RUBCN: variants seen among roughly 807,000 people sequenced by gnomAD.
The protein encoded by RUBCN is rubicon autophagy regulator.
In RUBCN, 74 loss-of-function variants were observed where a neutral mutation model predicts 113.2. The observed-to-expected ratio is 0.65, with a 90% confidence interval of 0.54 to 0.79. RUBCN has a LOEUF of 0.79. RUBCN is among the 30% of genes least tolerant of loss of function. RUBCN has a pLI of 0.00. For synonymous variants in RUBCN, 480 were observed against 490.0 expected, an observed-to-expected ratio of 0.98 and a Z score of 0.27; for missense variants, 1,109 against 1,251.7, an observed-to-expected ratio of 0.89 and a Z score of 1.72.
At position 197,674,859 on chromosome 3, in the gene RUBCN, CA is replaced by C; in HGVS notation, c.*158del. 1.6e-6 allele frequency: 1 copy of C among 606,736 alleles called. No individual in the cohort carries two copies. Among genetic ancestry groups the C allele is most frequent in the Non-Finnish European group, 2.6e-6 (1 of 378,918 alleles). 37.6% of individuals were successfully genotyped at this position (606,736 alleles called of 1,614,324 possible). A position where few individuals can be genotyped will look rare whatever the true frequency, so the allele number is the denominator to read the frequency against. ...ATCAACCTGCCGACGGCTGACTGCA[CA>C]CAGACGTCAGACAAGTCAGTAAAAA... On this transcript the variant is annotated 3_prime_UTR_variant, in exon 20 of 20. Transcript: ENST00000296343.
chr3:197,692,460 GA>G (rs1325547083), intron 11 of RUBCN, among the ~76,000 whole-genome samples: 1 of 151,494 alleles, frequency 6.6e-6, no homozygotes, highest in East Asian at 1.9e-4. Flanking sequence ...GGGAATCTCT[GA>G]ATTTGTAGTC....
At position 197,669,485 on chromosome 3, in the gene RUBCN, C is replaced by T. The variant is rs905087116; in HGVS notation, c.*5533G>A. On this transcript the variant is annotated 3_prime_UTR_variant, in exon 20 of 20. Coordinates refer to ENST00000296343, the MANE Select transcript of RUBCN (RefSeq NM_014687.4). ...GTTTGTTGTTTTTCTCATGATTAGACTGAGGTTATGGGTTTCTGAATGAAT... is the reference window on the plus strand; with the variant it reads ...GTTTGTTGTTTTTCTCATGATTAGATTGAGGTTATGGGTTTCTGAATGAAT... 6.6e-6 allele frequency among the ~76,000 whole-genome samples: 1 copy of T among 152,168 alleles called. No homozygotes were observed. Among genetic ancestry groups the T allele is most frequent in the African/African-American group, 2.4e-5 (1 of 41,440 alleles).
chr3:197,724,985 G>A (rs569923887), intron 1 of RUBCN, among the ~76,000 whole-genome samples: 5 of 152,206 alleles, frequency 3.3e-5, no homozygotes, highest in Non-Finnish European at 5.9e-5. Flanking sequence ...TTCAAGACCA[G>A]CCTGGCCAAC....
chr3:197,736,879 T>C lies in RUBCN; in HGVS notation c.-160A>G, dbSNP rs1272676390. The C allele has an allele frequency of 4.4e-6, 6 of 1,372,290 alleles. No individual in the cohort carries two copies. The highest frequency in any genetic ancestry group is 3.7e-6 in the Non-Finnish European group (4 of 1,070,194). The allele number at this position is 1,372,290 out of a possible 1,614,324, so 85.0% of individuals were successfully genotyped here. On this transcript the variant is annotated 5_prime_UTR_variant, in exon 1 of 20. Coordinates refer to ENST00000296343, the MANE Select transcript of RUBCN (RefSeq NM_014687.4). Reference sequence around the variant, plus strand: ...GGCGACAGCGGGAGGGACCGCCGCCTGGGCTGCGGCTTCTATCCCGGCCAC... The same window carrying C: ...GGCGACAGCGGGAGGGACCGCCGCCCGGGCTGCGGCTTCTATCCCGGCCAC...
intron 1 of RUBCN, among the ~76,000 whole-genome samples, chr3:197,727,551 G>A (rs1471783320): frequency 6.6e-6 from 1 of 152,146 alleles, no homozygotes; most frequent in Non-Finnish European, 1.5e-5. Context: ...ATGAAGTTTG[G>A]TTACAGTGTT....
intron 11 of RUBCN, chr3:197,691,213 T>A: frequency 1.2e-6 from 1 of 831,628 alleles, no homozygotes; most frequent in Non-Finnish European, 1.7e-6. Flanking sequence ...TAATATTCTA[T>A]ACCATATGTT....
At position 197,695,895 on chromosome 3, in the gene RUBCN, C is replaced by G; in HGVS notation, c.1444G>C (p.Asp482His). The change falls in exon 9 of 20, where the codon GAC becomes CAC. Residue 482 changes from aspartate to histidine, a missense_variant. Around this residue, in one of 3 missense-constraint regions of RUBCN, gnomAD observed 736 missense variants for 779.6 expected, o/e 0.94. Transcript: ENST00000296343. ...QSLISYLSEQ[D>H]FGSCADLEKE... ...TCCAGGTCGGCACAGCTGCCGAAGT[C>G]TTGCTCAGAGAGGTAGCTGATGAGG... 6.2e-7 allele frequency: 1 copy of G among 1,614,202 alleles called. No homozygotes were observed. The highest frequency in any genetic ancestry group is 8.5e-7 in the Non-Finnish European group (1 of 1,180,038).
intron 11 of RUBCN, among the ~76,000 whole-genome samples, chr3:197,690,335 G>C (rs1047778547): frequency 5.9e-5 from 9 of 152,196 alleles, no homozygotes; most frequent in Non-Finnish European, 1.2e-4. Context: ...CTACTTGGGA[G>C]GCTGAGGCAG....
intron 1 of RUBCN, among the ~76,000 whole-genome samples, chr3:197,729,265 G>GT (rs1183650782): frequency 1.3e-5 from 2 of 150,908 alleles, no homozygotes; most frequent in African/African-American, 4.9e-5. Flanking sequence ...TTTGTTTGTT[G>GT]TTTTTGAGAC....
rs1392074321 is a variant in RUBCN, at chr3:197,744,806, C to T, written c.-116+4463G>A. On this transcript the variant is annotated intron_variant, in intron 1 of 20. Coordinates refer to the RUBCN transcript ENST00000273582. ...GCAACAGAAAACAGATCAGTAGTTGCCTAGATAGTAGGTGGGGGGTAAGGA... is the reference window on the plus strand; with the variant it reads ...GCAACAGAAAACAGATCAGTAGTTGTCTAGATAGTAGGTGGGGGGTAAGGA... Among the ~76,000 whole-genome samples, 3 of 151,934 alleles carry T rather than the reference C, an allele frequency of 2.0e-5. No homozygotes were observed. The East Asian group carries it at 5.8e-4, about 29-fold the overall frequency.
rs1234127339 is a variant in RUBCN at position 197,704,533 on chromosome 3, T to C, written c.463+9A>G. On this transcript the variant is annotated intron_variant, in intron 4 of 19. Coordinates refer to ENST00000296343, the MANE Select transcript of RUBCN (RefSeq NM_014687.4). ...GCACAGATGACAGTCCTAAGTGGCCTCTACCTACCTGTGTAGAATTTTCTG... is the reference window on the plus strand; with the variant it reads ...GCACAGATGACAGTCCTAAGTGGCCCCTACCTACCTGTGTAGAATTTTCTG... The C allele has an allele frequency of 1.1e-5, 17 of 1,613,930 alleles. No individual in the cohort carries two copies. The highest frequency in any genetic ancestry group is 1.4e-5 in the Non-Finnish European group (17 of 1,179,774).
chr3:197,676,741 C>T, intron 18 of RUBCN, 144 bp downstream of exon 18: 1 of 1,530,208 alleles, frequency 6.5e-7, no homozygotes, highest in Non-Finnish European at 8.7e-7. Flanking sequence ...GGCTAAGGAA[C>T]AGCAGCCCTT....
At chr3:197,741,120 T>G (rs1458937542), upstream of RUBCN, among the ~76,000 whole-genome samples, 3 of 152,248 alleles carry the variant, frequency 2.0e-5, no homozygotes, top group African/African-American at 7.2e-5. Context: ...AAGGTTCTGC[T>G]TTCATGGGGA....
At chr3:197,731,420 C>T (rs981705302) in intron 1 of RUBCN, among the ~76,000 whole-genome samples, 50 of 152,252 alleles carry the variant, frequency 3.3e-4, no homozygotes, top group African/African-American at 1.2e-3. Context: ...GGCAACCATC[C>T]GATTTCTCAA....
rs939972663 is a variant in RUBCN, at chr3:197,669,385, C to T, written c.*5633G>A. ...GTGACGGCATCTCTTTCCTTGTTTT[C>T]GAGACCTTGGCAATTTTGAGTAGGG... On this transcript the variant is annotated 3_prime_UTR_variant, in exon 20 of 20. Transcript: ENST00000296343. Among the ~76,000 whole-genome samples, 18 of 152,152 alleles carry T rather than the reference C, an allele frequency of 1.2e-4. No individual in the cohort carries two copies. The highest frequency in any genetic ancestry group is 3.8e-4 in the East Asian group (2 of 5,200).
In RUBCN at chr3:197,681,692, T is replaced by C. The variant is rs1039593262; in HGVS notation, c.2191+143A>G. The C allele has an allele frequency of 9.3e-6, 7 of 751,854 alleles. No individual in the cohort carries two copies. In the African/African-American group the frequency reaches 1.2e-4, roughly 13 times the overall value. 46.6% of individuals were successfully genotyped at this position (751,854 alleles called of 1,614,324 possible). ...ATTTCCCTCCGATTGCCAGCACTCT[T>C]GCCTACTACGAACCTTTCTTTCTCC... On this transcript the variant is annotated intron_variant, in intron 15 of 19. Transcript: ENST00000296343. The surrounding 1 kb of genome is among the most constrained non-coding windows in gnomAD (Gnocchi z 5.5).
chr3:197,749,466 T>G, exon 1 of RUBCN: 5 of 1,272,326 alleles, frequency 3.9e-6, no homozygotes, highest in Non-Finnish European at 5.1e-6. Flanking sequence ...TGGAGGAGCG[T>G]GCCAGGGAGG....
At chr3:197,734,566 T>C (rs943283207) in intron 1 of RUBCN, among the ~76,000 whole-genome samples, 2 of 152,172 alleles carry the variant, frequency 1.3e-5, no homozygotes, top group African/African-American at 4.8e-5. Context: ...ACCGACCACA[T>C]ACAATAGTTA....
chr3:197,721,484 G>C lies in RUBCN; in HGVS notation c.66-3354C>G, dbSNP rs569440016. ...TTTTTCTCTCTGATTTTATTTATTT[G>C]AGTCTTTTTTCCCCCTTGGTCTAGC... is the stretch of plus-strand genomic sequence containing the variant. On this transcript the variant is annotated intron_variant, in intron 1 of 19. Transcript: ENST00000296343. Among the ~76,000 whole-genome samples, 3 of 152,066 alleles carry C rather than the reference G, an allele frequency of 2.0e-5. No homozygotes were observed. The East Asian group carries it at 5.8e-4, about 29-fold the overall frequency.
Sources: gnomAD v4.1 joint callset for allele counts (sites outside exome capture counted in the v4.1 genomes callset) on GRCh38, gnomAD v4.1.1 for gene constraint, gnomAD v4.1.1 regional missense constraint, Gnocchi (gnomAD v3.1) non-coding constraint, MANE v1.5 for transcripts, NCBI Gene and HGNC (gene_info 2026-07-23, HGNC 2026-07-21) for gene names.